Variants in MRTFB observed in about 807,000 individuals in gnomAD.
MRTFB encodes the protein myocardin related transcription factor B, also known as myocardin-related transcription factor B.
MRTFB carries 29 observed loss-of-function variants against 104.2 expected under a neutral mutation model. The observed-to-expected ratio is 0.28, with a 90% CI of 0.21 to 0.38. MRTFB has a LOEUF of 0.38. MRTFB is among the 10% of genes least tolerant of loss of function. The pLI is 1.00. For missense variants in MRTFB, 1,270 were observed against 1,341.6 expected, an observed-to-expected ratio of 0.95 and a Z score of 0.83; for synonymous variants, 535 against 519.5, an observed-to-expected ratio of 1.03 and a Z score of -0.41.
chr16:14,124,026 A>G (rs929494445), intron 2 of MRTFB, among the ~76,000 whole-genome samples: 18 of 152,268 alleles, frequency 1.2e-4, no homozygotes, highest in East Asian at 1.9e-4. Flanking sequence ...TTCTTTCAGT[A>G]GCAATTGTGA....
At chr16:14,139,651 G>A (rs773787944) in intron 2 of MRTFB, among the ~76,000 whole-genome samples, 1 of 152,212 alleles carries the variant, frequency 6.6e-6, no homozygotes, top group Non-Finnish European at 1.5e-5. Flanking sequence ...CAAGAGAAGG[G>A]AAAGCACATG....
intron 3 of MRTFB, among the ~76,000 whole-genome samples, chr16:14,169,631 C>T (rs2039359008): frequency 1.3e-5 from 2 of 152,264 alleles, no homozygotes; most frequent in South Asian, 4.2e-4. Flanking sequence ...TCTAATTTAT[C>T]ATTTTTAAGA....
intron 8 of MRTFB, among the ~76,000 whole-genome samples, chr16:14,221,612 AAG>A (rs1237326774): frequency 6.6e-5 from 10 of 152,308 alleles, no homozygotes; most frequent in Admixed American, 6.5e-4. Flanking sequence ...AAGATAATAA[AAG>A]AGCAACATAC....
At chr16:14,023,610 C>CACACATATACAT in the MRTFB span, among the ~76,000 whole-genome samples, 2 of 106,912 alleles carry the variant, frequency 1.9e-5, no homozygotes, top group South Asian at 3.1e-4. Flanking sequence ...CACACACACA[C>CACACATATACAT]ATACATATAC....
chr16:14,083,244 A>G (rs1399420670), intron 2 of MRTFB, among the ~76,000 whole-genome samples: 1 of 151,862 alleles, frequency 6.6e-6, no homozygotes, highest in Non-Finnish European at 1.5e-5. Context: ...TGGTTCCAAC[A>G]GTTTTTTTTG....
chr16:14,035,367 C>T, the MRTFB span, among the ~76,000 whole-genome samples: 6 of 152,306 alleles, frequency 3.9e-5, no homozygotes, highest in East Asian at 1.2e-3. Flanking sequence ...GCAGGCAGCA[C>T]AGCCCGCTTC....
intron 16 of MRTFB, 78 bp downstream of exon 16, chr16:14,258,239 C>G (rs1183991472): frequency 9.2e-7 from 1 of 1,088,344 alleles, no homozygotes; most frequent in Non-Finnish European, 1.4e-6. Context: ...CTTAAGCACT[C>G]ATAGCTTATC....
At chr16:14,213,894 CA>C (rs2151185301) in intron 6 of MRTFB, among the ~76,000 whole-genome samples, 1 of 152,272 alleles carries the variant, frequency 6.6e-6, no homozygotes, top group South Asian at 2.1e-4. Context: ...AATTGGGGTC[CA>C]GAGGATTTCT....
At chr16:14,172,441 G>C (rs2039453033) in intron 3 of MRTFB, among the ~76,000 whole-genome samples, 1 of 152,028 alleles carries the variant, frequency 6.6e-6, no homozygotes, top group Non-Finnish European at 1.5e-5. Context: ...TCCTATGTGT[G>C]AACATTTTAG....
intron 10 of MRTFB, chr16:14,240,938 T>G (rs2042740922): frequency 1.6e-6 from 1 of 606,904 alleles, no homozygotes; most frequent in Non-Finnish European, 2.9e-6. Context: ...CACAGGGGAA[T>G]GCTGTGAGCA....
intron 2 of MRTFB, among the ~76,000 whole-genome samples, chr16:14,110,313 G>C (rs953980482): frequency 6.6e-6 from 1 of 152,302 alleles, no homozygotes; most frequent in African/African-American, 2.4e-5. Context: ...TTGACAGTGC[G>C]AGTTTAGGCC....
At chr16:14,001,149 G>GAT in the MRTFB span, among the ~76,000 whole-genome samples, 2 of 152,192 alleles carry the variant, frequency 1.3e-5, no homozygotes, top group Non-Finnish European at 2.9e-5. Context: ...CATTTCATCA[G>GAT]TTAAGACGCT....
chr16:14,013,923 C>A, the MRTFB span, among the ~76,000 whole-genome samples: 2 of 152,186 alleles, frequency 1.3e-5, no homozygotes. Context: ...GAAGTCCACC[C>A]TCGCACCTCC....
chr16:14,100,090 A>G (rs916735704), intron 2 of MRTFB, among the ~76,000 whole-genome samples: 1 of 152,104 alleles, frequency 6.6e-6, no homozygotes, highest in African/African-American at 2.4e-5. Context: ...CCTGTTACTT[A>G]TTTTTCTTGC....
At chr16:14,013,744 G>A in the MRTFB span, among the ~76,000 whole-genome samples, 1 of 152,178 alleles carries the variant, frequency 6.6e-6, no homozygotes, top group Admixed American at 6.5e-5. Flanking sequence ...CAGGGGCAAA[G>A]AGCAGGTCTC....
At chr16:14,218,349 G>A (rs917675129) in intron 7 of MRTFB, among the ~76,000 whole-genome samples, 4 of 152,108 alleles carry the variant, frequency 2.6e-5, no homozygotes, top group South Asian at 2.1e-4. Context: ...GTGAGCCACC[G>A]CACCCAGCCT....
chr16:14,250,536 G>T (rs1036839678), intron 13 of MRTFB, among the ~76,000 whole-genome samples: 1 of 152,208 alleles, frequency 6.6e-6, no homozygotes, highest in Non-Finnish European at 1.5e-5. Context: ...ATGGGGCCTT[G>T]CTTGTATTTG....
chr16:14,027,386 T>C, the MRTFB span, among the ~76,000 whole-genome samples: 2 of 152,158 alleles, frequency 1.3e-5, no homozygotes, highest in Non-Finnish European at 2.9e-5. Flanking sequence ...TTGGAGACAG[T>C]GCAACTATAA....
chr16:14,041,342 A>G, the MRTFB span, among the ~76,000 whole-genome samples: 27 of 152,056 alleles, frequency 1.8e-4, no homozygotes, highest in Non-Finnish European at 3.2e-4. Flanking sequence ...ACAACTCTCC[A>G]TTTCCTCCTA....
Sources: allele counts gnomAD v4.1 joint callset (sites outside exome capture counted in the v4.1 genomes callset), GRCh38; gene constraint gnomAD v4.1.1; transcripts MANE v1.5; gene names NCBI Gene and HGNC (gene_info 2026-07-23, HGNC 2026-07-21).